Variants in CACNA1D observed in about 807,000 individuals in gnomAD.
CACNA1D encodes the protein voltage-dependent L-type calcium channel subunit alpha-1D.
CACNA1D carries 55 observed loss-of-function variants against 257.1 expected under a neutral mutation model. The ratio of observed to expected loss-of-function variants is 0.21; its 90% CI spans 0.17 to 0.27. The LOEUF (loss-of-function observed/expected upper bound fraction) is 0.27. Among genes scored for constraint, CACNA1D ranks in the 10% least tolerant of loss-of-function variants. The pLI, the probability that CACNA1D is intolerant of heterozygous loss-of-function variation, is 1.00. For missense variants in CACNA1D, 1,876 were observed against 2,784.0 expected (o/e 0.67, Z 7.34); for synonymous variants, 980 against 1,014.9 (o/e 0.97, Z 0.65).
intron 8 of CACNA1D, among the ~76,000 whole-genome samples, chr3:53,695,564 C>G (rs1208225200): frequency 6.6e-6 from 1 of 152,200 alleles, no homozygotes. Context: ...GATGATTACA[C>G]TGGTGTGCTA....
chr3:53,691,161 T>G (rs2094515531), intron 8 of CACNA1D, among the ~76,000 whole-genome samples: 1 of 147,268 alleles, frequency 6.8e-6, no homozygotes, highest in Non-Finnish European at 1.5e-5. Flanking sequence ...TTTTTTTTTT[T>G]TGGGGGGGAG....
chr3:53,752,236 C>T (rs776246868), intron 28 of CACNA1D, among the ~76,000 whole-genome samples: 1 of 152,176 alleles, frequency 6.6e-6, no homozygotes, highest in Non-Finnish European at 1.5e-5. Context: ...AGATACACAG[C>T]TGTTTCAATC....
intron 3 of CACNA1D, among the ~76,000 whole-genome samples, chr3:53,556,036 T>G (rs1248678773): frequency 6.6e-6 from 1 of 152,234 alleles, no homozygotes; most frequent in Non-Finnish European, 1.5e-5. Flanking sequence ...GCTATAGTTT[T>G]GTCATTTCCA....
intron 3 of CACNA1D, 38 bp downstream of exon 3, chr3:53,501,758 G>A (rs2090612739): frequency 8.6e-7 from 1 of 1,157,872 alleles, no homozygotes. Context: ...CCTGGTATAT[G>A]GTTATCATTT....
Position 53,723,771 on chromosome 3 carries a change from C to G in CACNA1D, c.1893-21C>G. 1 of 1,604,222 alleles carries G rather than the reference C, an allele frequency of 6.2e-7. No homozygotes were observed. The highest frequency in any genetic ancestry group is 8.5e-7 in the Non-Finnish European group (1 of 1,170,978). ...GTCCTGCATGGGTGTTCTGAGCTGA[C>G]ACCCTCATCTTGACTTATAGGCACT... On this transcript the variant is annotated intron_variant, in intron 13 of 47. Coordinates refer to ENST00000350061, the MANE Select transcript of CACNA1D (RefSeq NM_001128840.3). This position sits in a 1 kb window ranked among gnomAD's most constrained non-coding sequence, Gnocchi z 5.6.
intron 3 of CACNA1D, among the ~76,000 whole-genome samples, chr3:53,526,845 A>C (rs181689333): frequency 6.6e-6 from 1 of 152,366 alleles, no homozygotes; most frequent in African/African-American, 2.4e-5. Context: ...TACATCGTGC[A>C]TAAGAAGCAG....
chr3:53,760,838 A>G (rs2095297187), intron 29 of CACNA1D, among the ~76,000 whole-genome samples: 1 of 152,220 alleles, frequency 6.6e-6, no homozygotes, highest in East Asian at 1.9e-4. Context: ...GACATTGCCC[A>G]TGTCAAGCAC....
At chr3:53,688,241 C>G (rs978006764) in intron 8 of CACNA1D, among the ~76,000 whole-genome samples, 1 of 152,208 alleles carries the variant, frequency 6.6e-6, no homozygotes, top group Admixed American at 6.5e-5. Flanking sequence ...AGGCAGTGAT[C>G]TGGCTGCGAG....
At chr3:53,514,100 A>G (rs2091232475) in intron 3 of CACNA1D, among the ~76,000 whole-genome samples, 1 of 152,046 alleles carries the variant, frequency 6.6e-6, no homozygotes, top group Middle Eastern at 3.4e-3. Flanking sequence ...TTTACCATAA[A>G]CCCACAAGGG....
At chr3:53,778,096 A>C (rs970504909) in intron 37 of CACNA1D, among the ~76,000 whole-genome samples, 1 of 151,862 alleles carries the variant, frequency 6.6e-6, no homozygotes, top group African/African-American at 2.4e-5. Flanking sequence ...CTTGAGCCAG[A>C]CTCATGTTCC....
intron 3 of CACNA1D, among the ~76,000 whole-genome samples, chr3:53,583,313 G>C (rs1394008906): frequency 6.6e-6 from 1 of 151,962 alleles, no homozygotes; most frequent in Non-Finnish European, 1.5e-5. Context: ...CTTCCTGCCT[G>C]GTCCCTACCT....
At chr3:53,576,210 A>G (rs993356240) in intron 3 of CACNA1D, among the ~76,000 whole-genome samples, 6 of 152,188 alleles carry the variant, frequency 3.9e-5, no homozygotes, top group Admixed American at 1.3e-4. Flanking sequence ...ACAGTGGCCC[A>G]TGACGAAGTT....
intron 39 of CACNA1D, 169 bp downstream of exon 39, chr3:53,781,836 G>A (rs930655093): frequency 1.5e-6 from 1 of 666,688 alleles, no homozygotes; most frequent in Non-Finnish European, 2.7e-6. Context: ...TATTTTGGGG[G>A]TGATATGAAG....
At chr3:53,712,216 G>T (rs1029669396) in intron 9 of CACNA1D, among the ~76,000 whole-genome samples, 3 of 152,204 alleles carry the variant, frequency 2.0e-5, no homozygotes, top group Non-Finnish European at 4.4e-5. Flanking sequence ...TCTGAGATCT[G>T]CAGGGAGAGG....
At chr3:53,547,634 T>A (rs1364701698) in intron 3 of CACNA1D, among the ~76,000 whole-genome samples, 1 of 152,122 alleles carries the variant, frequency 6.6e-6, no homozygotes, top group East Asian at 1.9e-4. Flanking sequence ...TGAAGAGAAT[T>A]AAGGAAGAAA....
chr3:53,771,834 G>A (rs144289654), intron 32 of CACNA1D, among the ~76,000 whole-genome samples: 2 of 152,366 alleles, frequency 1.3e-5, no homozygotes, highest in African/African-American at 2.4e-5. Flanking sequence ...GAAAATGCAC[G>A]TAGGTATGTT....
At chr3:53,546,082 G>T (rs1323241442) in intron 3 of CACNA1D, among the ~76,000 whole-genome samples, 2 of 152,196 alleles carry the variant, frequency 1.3e-5, no homozygotes, top group African/African-American at 4.8e-5. Context: ...AGGGATCACA[G>T]ATATTGTATA....
intron 30 of CACNA1D, among the ~76,000 whole-genome samples, chr3:53,768,372 T>G (rs1352162913): frequency 6.6e-6 from 1 of 152,214 alleles, no homozygotes; most frequent in Non-Finnish European, 1.5e-5. Context: ...ACACTTAGCA[T>G]GCACACTCAC....
At chr3:53,676,680 T>G (rs1202383361) in intron 8 of CACNA1D, among the ~76,000 whole-genome samples, 1 of 152,272 alleles carries the variant, frequency 6.6e-6, no homozygotes, top group Non-Finnish European at 1.5e-5. Context: ...GTCATGTGTG[T>G]GGCCATGCCA....
Sources: allele counts gnomAD v4.1 joint callset (sites outside exome capture counted in the v4.1 genomes callset), GRCh38; gene constraint gnomAD v4.1.1; non-coding constraint Gnocchi (gnomAD v3.1); transcripts MANE v1.5; gene names NCBI Gene and HGNC (gene_info 2026-07-23, HGNC 2026-07-21).